Variants in PRDM16 observed in about 807,000 individuals in gnomAD.
PRDM16 encodes PR/SET domain 16, also known as histone-lysine N-methyltransferase PRDM16.
A neutral mutation model predicts 110.6 loss-of-function variants in PRDM16; 23 were observed. That is an observed-to-expected ratio of 0.21 (90% CI 0.15 to 0.29). The LOEUF is 0.29. Among genes scored for constraint, PRDM16 ranks in the 10% least tolerant of loss-of-function variants. The pLI is 1.00. For synonymous variants in PRDM16, 799 were observed against 781.8 expected, an observed-to-expected ratio of 1.02 and a Z score of -0.37; for missense variants, 1,615 against 1,794.3, an observed-to-expected ratio of 0.90 and a Z score of 1.81.
At chr1:3,095,917 C>A (rs1642387329) in intron 1 of PRDM16, among the ~76,000 whole-genome samples, 1 of 152,120 alleles carries the variant, frequency 6.6e-6, no homozygotes, top group South Asian at 2.1e-4. Context: ...TCGAGGTCCG[C>A]TCAGCATCTG....
chr1:3,133,567 C>T (rs1643377924), intron 1 of PRDM16: 1 of 152,332 alleles, frequency 6.6e-6, no homozygotes, highest in Admixed American at 6.5e-5. Flanking sequence ...CTTCCCTCCT[C>T]CTTACCAAGA....
At position 3,201,983 on chromosome 1, in the gene PRDM16, T is replaced by C. The variant is rs564494676; in HGVS notation, c.387+15509T>C. ...AGTGGTGCCCGTACATAATAGTGGG[T>C]CCCACACGTCCATGAGGCAGGGGAC... On this transcript the variant is annotated intron_variant, in intron 2 of 16. Transcript: ENST00000270722. The surrounding 1 kb of genome is among the most constrained non-coding windows in gnomAD (Gnocchi z 4.1). Among the ~76,000 whole-genome samples, 2 of 152,144 alleles carry C rather than the reference T, an allele frequency of 1.3e-5. No individual in the cohort carries two copies. Among genetic ancestry groups the C allele is most frequent in the East Asian group, 3.9e-4 (2 of 5,144 alleles).
intron 3 of PRDM16, among the ~76,000 whole-genome samples, chr1:3,273,227 T>C (rs1268081440): frequency 1.3e-5 from 2 of 152,118 alleles, no homozygotes; most frequent in Admixed American, 6.5e-5. Flanking sequence ...GGTTTCTTTG[T>C]TGGGTATGGG....
chr1:3,291,190 C>T (rs867608449), intron 3 of PRDM16, among the ~76,000 whole-genome samples: 13 of 152,082 alleles, frequency 8.5e-5, no homozygotes, highest in African/African-American at 2.7e-4. Context: ...CGGCCTCTCT[C>T]GGGGTGGCAA....
rs1305989574 is a variant in PRDM16, at chr1:3,382,974, C to T, written c.439-2178C>T. On this transcript the variant is annotated intron_variant, in intron 3 of 16. Transcript: ENST00000270722. This position sits in a 1 kb window ranked among gnomAD's most constrained non-coding sequence, Gnocchi z 6.6. ...TTGTATATTGAGCATCCCCCCGCCG[C>T]CAATGTTTTCCTCGGGCTCCAGCCC... 1.3e-5 allele frequency among the ~76,000 whole-genome samples: 2 copies of T among 152,230 alleles called. No homozygotes were observed. Among genetic ancestry groups the T allele is most frequent in the African/African-American group, 4.8e-5 (2 of 41,460 alleles).
chr1:3,286,613 C>T (rs1370336592), intron 3 of PRDM16, among the ~76,000 whole-genome samples: 2 of 152,180 alleles, frequency 1.3e-5, no homozygotes, highest in African/African-American at 4.8e-5. Flanking sequence ...TCAGGAACCC[C>T]GTGTCCTCCA....
intron 8 of PRDM16, among the ~76,000 whole-genome samples, chr1:3,408,451 A>G (rs1643597556): frequency 6.6e-6 from 1 of 152,370 alleles, no homozygotes; most frequent in Non-Finnish European, 1.5e-5. Flanking sequence ...CTTTGCAGAA[A>G]GAGCCTTTGC....
chr1:3,278,594 AC>A lies in PRDM16; in HGVS notation c.438+34460del, dbSNP rs1443223725. Among the ~76,000 whole-genome samples, 4 of 152,202 alleles carry A rather than the reference AC, an allele frequency of 2.6e-5. No homozygotes were observed. The South Asian group carries it at 6.2e-4, about 24-fold the overall frequency. On this transcript the variant is annotated intron_variant, in intron 3 of 16. Transcript: ENST00000270722. Reference sequence around the variant, plus strand: ...AAACAGGCCCTGGAACCTCAGCCGCACCCGGCACCCTGCTGCCCGGCGGGGC... The same window carrying A: ...AAACAGGCCCTGGAACCTCAGCCGCACCGGCACCCTGCTGCCCGGCGGGGC...
rs1366380655 is a variant in PRDM16 at position 3,265,862 on chromosome 1, C to G, written c.438+21725C>G. On this transcript the variant is annotated intron_variant, in intron 3 of 16. Coordinates refer to ENST00000270722, the MANE Select transcript of PRDM16 (RefSeq NM_022114.4). The surrounding 1 kb of genome is among the most constrained non-coding windows in gnomAD (Gnocchi z 4.5). ...GCCCAGGTCCTTCGCTCTCTATGAT[C>G]CCTTTACGGTCGTGCAGTGCTCCCC... 6.6e-6 allele frequency among the ~76,000 whole-genome samples: 1 copy of G among 152,136 alleles called. No homozygotes were observed. The highest frequency in any genetic ancestry group is 1.5e-5 in the Non-Finnish European group (1 of 68,012).
In PRDM16 at chr1:3,416,794, G is replaced by A. The variant is rs115338750; in HGVS notation, c.2692-1034G>A. Among the ~76,000 whole-genome samples, 575 of 152,302 alleles carry A rather than the reference G, an allele frequency of 3.8e-3. 5 individuals are homozygous for A. The highest frequency in any genetic ancestry group is 0.013 in the African/African-American group (538 of 41,576). On this transcript the variant is annotated intron_variant, in intron 10 of 16. Coordinates refer to ENST00000270722, the MANE Select transcript of PRDM16 (RefSeq NM_022114.4). ...TTCAGCAGGCTGGGTGTGTGGTGCC[G>A]AGGCCCGGGGTTTGTTCCCTGTTTT... is the stretch of plus-strand genomic sequence containing the variant.
At chr1:3,182,274 C>T (rs939859869) in intron 1 of PRDM16, among the ~76,000 whole-genome samples, 9 of 152,242 alleles carry the variant, frequency 5.9e-5, no homozygotes, top group Non-Finnish European at 5.9e-5. Flanking sequence ...CAGAGCCGCT[C>T]GGCGCTCGGG....
intron 1 of PRDM16, among the ~76,000 whole-genome samples, chr1:3,176,168 CATCCATCCATCT>C (rs1644085352): frequency 6.6e-6 from 1 of 152,256 alleles, no homozygotes; most frequent in Non-Finnish European, 1.5e-5. Flanking sequence ...TCCATCCATC[CATCCATCCATCT>C]ATCCATCCAT....
chr1:3,111,759 G>A (rs907668235), intron 1 of PRDM16, among the ~76,000 whole-genome samples: 5 of 152,120 alleles, frequency 3.3e-5, no homozygotes, highest in African/African-American at 1.2e-4. Flanking sequence ...TTTCTTCGCG[G>A]CTGAAAAGGC....
In PRDM16 at chr1:3,349,805, C is replaced by T. The variant is rs1452851069; in HGVS notation, c.439-35347C>T. 2.6e-5 allele frequency among the ~76,000 whole-genome samples: 4 copies of T among 152,344 alleles called. No homozygotes were observed. In the South Asian group the frequency reaches 6.2e-4, roughly 24 times the overall value. ...TCACAGAGGCCTGAGCTCTGCTGGCCACGGTGCTGGGCTTGGGGATTGAGG... is the reference window on the plus strand; with the variant it reads ...TCACAGAGGCCTGAGCTCTGCTGGCTACGGTGCTGGGCTTGGGGATTGAGG... On this transcript the variant is annotated intron_variant, in intron 3 of 16. Coordinates refer to ENST00000270722, the MANE Select transcript of PRDM16 (RefSeq NM_022114.4).
intron 8 of PRDM16, among the ~76,000 whole-genome samples, chr1:3,408,079 T>C (rs879100609): frequency 3.3e-5 from 5 of 152,146 alleles, no homozygotes; most frequent in Non-Finnish European, 7.4e-5. Context: ...AGAGGAGAAT[T>C]TGCAAACAAG....
chr1:3,305,906 C>T (rs11808276), intron 3 of PRDM16, among the ~76,000 whole-genome samples: 6,805 of 152,360 alleles, frequency 0.045, 520 homozygotes, highest in African/African-American at 0.15. Flanking sequence ...CACTTTGCCA[C>T]TAGCCACCTA....
chr1:3,244,347 C>T lies in PRDM16; in HGVS notation c.438+210C>T, dbSNP rs992007286. On this transcript the variant is annotated intron_variant, in intron 3 of 16. Transcript: ENST00000270722. The surrounding 1 kb of genome is among the most constrained non-coding windows in gnomAD (Gnocchi z 4.1). ...AGGGATGGGGAGGTGGGGGTCATGT[C>T]GCCGTAGGGTCACAGGTACAGGGCC... 4.6e-5 allele frequency among the ~76,000 whole-genome samples: 7 copies of T among 152,126 alleles called. No individual in the cohort carries two copies. In the East Asian group the frequency reaches 7.8e-4, roughly 17 times the overall value.
chr1:3,126,420 C>T (rs1340170797), intron 1 of PRDM16, among the ~76,000 whole-genome samples: 3 of 152,186 alleles, frequency 2.0e-5, no homozygotes, highest in Non-Finnish European at 2.9e-5. Flanking sequence ...GCTGCAGGTG[C>T]GCAGGAAGGG....
chr1:3,376,435 G>A (rs1642991543), intron 3 of PRDM16, among the ~76,000 whole-genome samples: 2 of 152,188 alleles, frequency 1.3e-5, no homozygotes, highest in African/African-American at 4.8e-5. Flanking sequence ...TGCTGCATCT[G>A]AATTCTGGGC....
Sources: allele counts gnomAD v4.1 joint callset (sites outside exome capture counted in the v4.1 genomes callset), GRCh38; gene constraint gnomAD v4.1.1; non-coding constraint Gnocchi (gnomAD v3.1); transcripts MANE v1.5; gene names NCBI Gene and HGNC (gene_info 2026-07-23, HGNC 2026-07-21).